Variants in GYS2 observed in about 807,000 individuals in gnomAD.
GYS2 encodes the protein glycogen synthase 2.
Under a neutral mutation model 85.6 loss-of-function variants are expected in GYS2, and 80 were observed. The ratio of observed to expected loss-of-function variants is 0.93; its 90% confidence interval spans 0.78 to 1.13. GYS2 has a LOEUF of 1.13. GYS2 is among the 50% of genes most tolerant of loss of function. The pLI, the probability that GYS2 is intolerant of heterozygous loss-of-function variation, is 0.00. For synonymous variants in GYS2, 328 were observed against 300.7 expected (o/e 1.09, Z -0.94); for missense variants, 881 against 854.9 (o/e 1.03, Z -0.38).
At chr12:21,535,730 T>G (rs1943904359), downstream of GYS2, among the ~76,000 whole-genome samples, 2 of 152,154 alleles carry the variant, frequency 1.3e-5, no homozygotes, top group African/African-American at 4.8e-5. Context: ...GACCAAAACT[T>G]TTTTAGAACC....
downstream of GYS2, among the ~76,000 whole-genome samples, chr12:21,533,696 T>C (rs531459102): frequency 4.1e-4 from 62 of 152,332 alleles, no homozygotes; most frequent in African/African-American, 1.5e-3. Flanking sequence ...AACATTTATG[T>C]TCTCATCTGC....
At chr12:21,599,313 G>A (rs1464913405) in intron 1 of GYS2, among the ~76,000 whole-genome samples, 6 of 152,046 alleles carry the variant, frequency 3.9e-5, no homozygotes. Context: ...ATTTTATAAG[G>A]CAGCAGGTCT....
At chr12:21,567,503 C>A (rs1237950209) in intron 5 of GYS2, among the ~76,000 whole-genome samples, 1 of 149,320 alleles carries the variant, frequency 6.7e-6, no homozygotes, top group Non-Finnish European at 1.5e-5. Context: ...TGCCACTATT[C>A]AAATTAGTTG....
chr12:21,542,730 A>C (rs948301323), intron 12 of GYS2, 139 bp from the exon 13 acceptor site: 34 of 696,684 alleles, frequency 4.9e-5, no homozygotes, highest in Middle Eastern at 3.7e-4. Context: ...AACTCTTTAC[A>C]TGTCTCACTA....
chr12:21,583,425 A>G (rs2136917438), intron 1 of GYS2, among the ~76,000 whole-genome samples: 1 of 152,286 alleles, frequency 6.6e-6, no homozygotes, highest in South Asian at 2.1e-4. Context: ...ACTCTGGCCC[A>G]TTTATCGAGT....
chr12:21,553,796 A>AACACACACACACATAACACAC (rs1555155364), intron 11 of GYS2, among the ~76,000 whole-genome samples: 4 of 151,326 alleles, frequency 2.6e-5, no homozygotes, highest in African/African-American at 4.9e-5. Context: ...ACACACATAT[A>AACACACACACACATAACACAC]ACACACACAC....
rs772472195 is a variant in GYS2 at position 21,540,540 on chromosome 12, G to A, written c.1679C>T (p.Pro560Leu). 13 of 1,613,910 alleles carry A rather than the reference G, an allele frequency of 8.1e-6. No homozygotes were observed. The highest frequency in any genetic ancestry group is 1.1e-5 in the Non-Finnish European group (13 of 1,179,930). ...IYIVDRRFRS[P>L]DDSCNQLTKF... ...AGTCAGCTGATTGCAAGAATCATCT[G>A]GAGAACGGAACCGCCTGTCAACGAT... Residue 560 changes from proline to leucine, a missense_variant, in exon 14 of 16, where the codon CCA becomes CTA. Pro to Leu is a moderately conservative substitution (Grantham distance 98). Coordinates refer to ENST00000261195, the MANE Select transcript of GYS2 (RefSeq NM_021957.4).
At chr12:21,558,986 T>C (rs897131468) in intron 10 of GYS2, 105 bp downstream of exon 10, 4 of 676,104 alleles carry the variant, frequency 5.9e-6, no homozygotes, top group Admixed American at 4.9e-5. Flanking sequence ...TTTTCTAGCC[T>C]CAGGTCTGAA....
chr12:21,542,386 A>C, intron 13 of GYS2, 110 bp downstream of exon 13: 1 of 769,446 alleles, frequency 1.3e-6, no homozygotes. Context: ...ATATAAAAAC[A>C]TTAGTTTAAT....
At chr12:21,577,071 C>T (rs993257300) in intron 2 of GYS2, among the ~76,000 whole-genome samples, 2 of 152,158 alleles carry the variant, frequency 1.3e-5, no homozygotes, top group African/African-American at 4.8e-5. Context: ...GGGACCCAGG[C>T]ATGTGTGGGG....
chr12:21,553,796 A>ACACAC (rs143876613), intron 11 of GYS2, among the ~76,000 whole-genome samples: 3 of 151,326 alleles, frequency 2.0e-5, no homozygotes, highest in Non-Finnish European at 3.0e-5. Context: ...ACACACATAT[A>ACACAC]ACACACACAC....
Position 21,536,385 on chromosome 12 carries a change from C to A in GYS2, c.*569G>T. Reference sequence around the variant, plus strand: ...AGATTTCAAAAGTGACATAAATGTCCATTAATATGCATCAAAATATGGACT... The same window carrying A: ...AGATTTCAAAAGTGACATAAATGTCAATTAATATGCATCAAAATATGGACT... On this transcript the variant is annotated 3_prime_UTR_variant, in exon 16 of 16. Coordinates refer to ENST00000261195, the MANE Select transcript of GYS2 (RefSeq NM_021957.4). The A allele has an allele frequency of 6.4e-6, 1 of 156,190 alleles. No individual in the cohort carries two copies. The highest frequency in any genetic ancestry group is 6.3e-5 in the Admixed American group (1 of 15,942). 9.7% of individuals were successfully genotyped at this position (156,190 alleles called of 1,614,324 possible). A position where few individuals can be genotyped will look rare whatever the true frequency, so the allele number is the denominator to read the frequency against.
At chr12:21,546,653 A>G (rs1320620342) in intron 11 of GYS2, among the ~76,000 whole-genome samples, 183 bp from the exon 12 acceptor site, 1 of 152,192 alleles carries the variant, frequency 6.6e-6, no homozygotes, top group African/African-American at 2.4e-5. Flanking sequence ...TCCTCTCTCC[A>G]TTCTGTAGAA....
intron 1 of GYS2, among the ~76,000 whole-genome samples, chr12:21,600,073 C>T (rs1264038593): frequency 6.6e-6 from 1 of 152,094 alleles, no homozygotes; most frequent in Non-Finnish European, 1.5e-5. Context: ...CTGTAGACAG[C>T]AAGATAGTAA....
chr12:21,561,209 C>A lies in GYS2; in HGVS notation c.1063-717G>T, dbSNP rs997990686. Among the ~76,000 whole-genome samples the A allele has an allele frequency of 3.9e-5, 6 of 152,186 alleles. No homozygotes were observed. In the South Asian group the frequency reaches 1.0e-3, roughly 26 times the overall value. The stretch of plus-strand genomic sequence containing the variant: ...AAAGGAATGAGAGGTTAAATATTTT[C>A]TCTGAGTCCTATAACAGGTTAGTGC... On this transcript the variant is annotated intron_variant, in intron 7 of 15. Transcript: ENST00000261195.
At chr12:21,555,042 T>C (rs1029186884) in intron 11 of GYS2, among the ~76,000 whole-genome samples, 1 of 152,150 alleles carries the variant, frequency 6.6e-6, no homozygotes, top group Non-Finnish European at 1.5e-5. Flanking sequence ...GTACGTAACA[T>C]GTGCCAGGCA....
At chr12:21,592,457 C>G (rs1028100692) in intron 1 of GYS2, among the ~76,000 whole-genome samples, 3 of 151,878 alleles carry the variant, frequency 2.0e-5, no homozygotes, top group Admixed American at 6.6e-5. Context: ...GAAAGATCTT[C>G]CATACAAAGA....
At chr12:21,592,810 A>C (rs553964882) in intron 1 of GYS2, among the ~76,000 whole-genome samples, 6 of 152,180 alleles carry the variant, frequency 3.9e-5, no homozygotes, top group African/African-American at 1.4e-4. Context: ...ACAATATTTC[A>C]TCCAACAGCT....
At chr12:21,585,929 G>C (rs1173431787) in intron 1 of GYS2, among the ~76,000 whole-genome samples, 3 of 152,162 alleles carry the variant, frequency 2.0e-5, no homozygotes, top group Non-Finnish European at 4.4e-5. Flanking sequence ...GCATAATTAT[G>C]ACTTATTGTT....
Sources: gnomAD v4.1 joint callset for allele counts (sites outside exome capture counted in the v4.1 genomes callset) on GRCh38, gnomAD v4.1.1 for gene constraint, MANE v1.5 for transcripts, NCBI Gene and HGNC (gene_info 2026-07-23, HGNC 2026-07-21) for gene names.